LRIF1: variants seen among roughly 807,000 people sequenced by gnomAD.
LRIF1 encodes the protein ligand-dependent nuclear receptor-interacting factor 1.
LRIF1 carries 32 observed loss-of-function variants against 52.7 expected under a neutral mutation model. The observed-to-expected ratio is 0.61, with a 90% CI of 0.46 to 0.82. The LOEUF (loss-of-function observed/expected upper bound fraction) is 0.82, where lower values mean the gene tolerates loss of function less well. LRIF1 is among the 40% of genes least tolerant of loss of function. The pLI, the probability that LRIF1 is intolerant of heterozygous loss-of-function variation, is 0.00. For synonymous variants in LRIF1, 323 were observed against 317.4 expected, an observed-to-expected ratio of 1.02 and a Z score of -0.19; for missense variants, 887 against 892.0, an observed-to-expected ratio of 0.99 and a Z score of 0.07.
At chr1:110,932,461 T>C in the LRIF1 span, among the ~76,000 whole-genome samples, 1 of 152,182 alleles carries the variant, frequency 6.6e-6, no homozygotes, top group African/African-American at 2.4e-5. Context: ...GTCTTGGCAA[T>C]GTGGGCTCTT....
At chr1:110,909,872 C>T in the LRIF1 span, among the ~76,000 whole-genome samples, 6 of 151,922 alleles carry the variant, frequency 3.9e-5, no homozygotes, top group Non-Finnish European at 7.4e-5. Context: ...TGAGCCACTG[C>T]GCCCAGCTGG....
chr1:110,889,553 G>A, the LRIF1 span, among the ~76,000 whole-genome samples: 2 of 106,306 alleles, frequency 1.9e-5, no homozygotes, highest in Non-Finnish European at 4.0e-5. Context: ...GCAAAACTCC[G>A]TCAAATAAAT....
chr1:110,905,193 GAA>G, the LRIF1 span, among the ~76,000 whole-genome samples: 1 of 152,180 alleles, frequency 6.6e-6, no homozygotes, highest in Non-Finnish European at 1.5e-5. Flanking sequence ...AGGAGGTAGA[GAA>G]AGAGATAGAA....
chr1:110,923,224 C>T, the LRIF1 span, among the ~76,000 whole-genome samples: 8,795 of 152,158 alleles, frequency 0.058, 299 homozygotes, highest in East Asian at 0.14. Flanking sequence ...CTCTTCAACC[C>T]GGGAGGCGGA....
the LRIF1 span, among the ~76,000 whole-genome samples, chr1:110,889,402 T>C: frequency 2.8e-4 from 42 of 151,156 alleles, no homozygotes; most frequent in African/African-American, 9.2e-4. Context: ...TAAAAAAAAA[T>C]ACAAAAATTA....
the LRIF1 span, among the ~76,000 whole-genome samples, chr1:110,904,897 G>A: frequency 4.6e-5 from 7 of 152,100 alleles, no homozygotes; most frequent in African/African-American, 1.7e-4. Context: ...GTAACACAGA[G>A]AAGGAATTAG....
intron 1 of LRIF1, among the ~76,000 whole-genome samples, chr1:110,960,442 A>G (rs1658904199): frequency 6.6e-6 from 1 of 152,194 alleles, no homozygotes; most frequent in African/African-American, 2.4e-5. Context: ...CCCCCTGCTG[A>G]GAACACTTAA....
At position 110,949,923 on chromosome 1, in the gene LRIF1, G is replaced by C. The variant is rs1269889943; in HGVS notation, c.1797C>G (p.Ser599=). Residue 599 remains serine (S), a synonymous_variant, in exon 3 of 4, where the codon TCC becomes TCG. Coordinates refer to ENST00000369763, the MANE Select transcript of LRIF1 (RefSeq NM_018372.4). ...DHLTSGEGFD[S]FSSLVKSGTY... ...TACCACTCTTTACCAAACTGCTAAA[G>C]GAATCGAAACCTTCTCCAGAGGTCA... 1.9e-6 allele frequency: 3 copies of C among 1,614,116 alleles called. No homozygotes were observed. Among genetic ancestry groups the C allele is most frequent in the Non-Finnish European group, 2.5e-6 (3 of 1,180,014 alleles).
At chr1:110,906,981 A>T in the LRIF1 span, among the ~76,000 whole-genome samples, 1 of 152,204 alleles carries the variant, frequency 6.6e-6, no homozygotes, top group Non-Finnish European at 1.5e-5. Context: ...TGTTTCAGGG[A>T]CAGGTTAAAC....
rs1025999559 is a variant in LRIF1, at chr1:110,963,880, C to G, written c.-192G>C. The G allele has an allele frequency of 8.9e-6, 4 of 451,676 alleles. No individual in the cohort carries two copies. The highest frequency in any genetic ancestry group is 6.8e-5 in the East Asian group (2 of 29,392). The allele number at this position is 451,676 out of a possible 1,614,324, so 28.0% of individuals were successfully genotyped here. On this transcript the variant is annotated 5_prime_UTR_variant, in exon 1 of 4. Transcript: ENST00000369763. ...GTATCCCCAGGCTTCGGGACGAGGTCGCGCACCGCGCAGAAACCGGAAGGC... is the reference window on the plus strand; with the variant it reads ...GTATCCCCAGGCTTCGGGACGAGGTGGCGCACCGCGCAGAAACCGGAAGGC...
chr1:110,927,066 C>A, the LRIF1 span, among the ~76,000 whole-genome samples: 2 of 152,152 alleles, frequency 1.3e-5, no homozygotes, highest in African/African-American at 4.8e-5. Flanking sequence ...AGAAATGAAA[C>A]TGGACTCTTC....
the LRIF1 span, among the ~76,000 whole-genome samples, chr1:110,911,410 A>C: frequency 5.3e-5 from 8 of 152,206 alleles, no homozygotes; most frequent in African/African-American, 1.9e-4. Flanking sequence ...TCACAGCTGA[A>C]TTCTTCCAGA....
At chr1:110,944,766 T>C (rs1243972167), downstream of LRIF1, 1 of 152,130 alleles carries the variant, frequency 6.6e-6, no homozygotes, top group African/African-American at 2.4e-5. Context: ...AACAGCTAGA[T>C]AAGACACATA....
the LRIF1 span, among the ~76,000 whole-genome samples, chr1:110,878,642 G>GT: frequency 1.5e-4 from 23 of 152,226 alleles, no homozygotes; most frequent in East Asian, 4.4e-3. Flanking sequence ...TTTGAATGGA[G>GT]TAAGAAATGT....
At chr1:110,945,601 C>A (rs1570935851), downstream of LRIF1, among the ~76,000 whole-genome samples, 1 of 152,210 alleles carries the variant, frequency 6.6e-6, no homozygotes, top group East Asian at 1.9e-4. Flanking sequence ...AATTTTTCTA[C>A]TTTTAGTAGA....
At chr1:110,948,823 A>G (rs1245223448) in intron 3 of LRIF1, among the ~76,000 whole-genome samples, 1 of 152,220 alleles carries the variant, frequency 6.6e-6, no homozygotes, top group East Asian at 1.9e-4. Context: ...CTCATAAGTC[A>G]AAGTATAACA....
downstream of LRIF1, among the ~76,000 whole-genome samples, chr1:110,946,453 A>G (rs1484816623): frequency 1.3e-5 from 2 of 152,210 alleles, no homozygotes; most frequent in African/African-American, 4.8e-5. Flanking sequence ...ACATATTAAA[A>G]ACCAGAGAAC....
the LRIF1 span, among the ~76,000 whole-genome samples, chr1:110,914,322 A>G: frequency 1.2e-4 from 19 of 152,320 alleles, no homozygotes; most frequent in East Asian, 3.3e-3. Context: ...GTTGAGAAAG[A>G]AAAAAAGGGA....
chr1:110,952,059 C>T lies in LRIF1; in HGVS notation c.825G>A (p.Glu275=). 2 of 1,614,176 alleles carry T rather than the reference C, an allele frequency of 1.2e-6. No homozygotes were observed. The highest frequency in any genetic ancestry group is 1.7e-6 in the Non-Finnish European group (2 of 1,180,020). Residue 275 remains glutamate (E), a synonymous_variant, in exon 2 of 4, where the codon GAG becomes GAA. Transcript: ENST00000369763. Reference sequence around the variant, plus strand: ...AATGCTGACCACCTTTCAATTGTGTCTCTGTAGCAACATTCTTTGGAATTT... The same window carrying T: ...AATGCTGACCACCTTTCAATTGTGTTTCTGTAGCAACATTCTTTGGAATTT... The part of the protein sequence containing the change: ...TTQIPKNVAT[E]TQLKGGQHSQ...
Sources: gnomAD v4.1 joint callset for allele counts (sites outside exome capture counted in the v4.1 genomes callset) on GRCh38, gnomAD v4.1.1 for gene constraint, MANE v1.5 for transcripts, NCBI Gene and HGNC (gene_info 2026-07-23, HGNC 2026-07-21) for gene names.